RLIM: variants seen among roughly 807,000 people sequenced by gnomAD.
RLIM encodes the protein ring finger protein, LIM domain interacting.
RLIM carries 2 observed loss-of-function variants against 34.0 expected under a neutral mutation model. The ratio of observed to expected loss-of-function variants is 0.06; its 90% CI spans 0.02 to 0.19. RLIM has a LOEUF of 0.19. RLIM is among the 10% of genes least tolerant of loss of function. The probability of loss-of-function intolerance (pLI) is 1.00; values close to 1 mark genes in which losing one functional copy is unlikely to be tolerated. For synonymous variants in RLIM, 169 were observed against 164.0 expected (o/e 1.03, Z -0.23); for missense variants, 286 against 479.7 (o/e 0.60, Z 3.77).
Position 74,591,952 on chromosome X carries a change from AACT to A in RLIM, c.1360_1362del (p.Ser455del). On this transcript the variant is annotated inframe_deletion, in exon 4 of 4. Coordinates refer to ENST00000332687, the MANE Select transcript of RLIM (RefSeq NM_016120.4). ...GAACTGGAACTCGAACTGGAACCAG[AACT>A]ACTACCACCACCAGAACCTCCTCTT... is the stretch of plus-strand genomic sequence containing the variant. The A allele has an allele frequency of 8.3e-7, 1 of 1,211,539 alleles. No homozygotes were observed. The highest frequency in any genetic ancestry group is 1.1e-6 in the Non-Finnish European group (1 of 895,301).
At position 74,609,076 on chromosome X, in the gene RLIM, TA is replaced by T. The variant is rs1217935959; in HGVS notation, c.-24+5345del. On this transcript the variant is annotated intron_variant, in intron 1 of 3. Transcript: ENST00000332687. ...AGTGCATGTGTTTAAGTTACTAAGG[TA>T]AAAATCACTGATAACTGACAATGTT... Among the ~76,000 whole-genome samples the T allele has an allele frequency of 2.7e-5, 3 of 111,522 alleles. No individual in the cohort carries two copies. In the East Asian group the frequency reaches 8.4e-4, roughly 31 times the overall value.
At position 74,592,455 on chromosome X, in the gene RLIM, G is replaced by A. The variant is rs745837643; in HGVS notation, c.860C>T (p.Ala287Val). Reference protein sequence around the residue: ...GPELLSRGLFAASGTRNASQG... With the variant: ...GPELLSRGLFVASGTRNASQG... ...AGAAGCATTTCTTGTTCCAGAAGCTGCAAAAAGACCTCTACTTAGCAACTC... is the reference window on the plus strand; with the variant it reads ...AGAAGCATTTCTTGTTCCAGAAGCTACAAAAAGACCTCTACTTAGCAACTC... Residue 287 changes from alanine to valine, a missense_variant, in exon 4 of 4, where the codon GCA becomes GTA. Around this residue, in one of 6 missense-constraint regions of RLIM, gnomAD observed 121 missense variants for 182.4 expected, o/e 0.66. Coordinates refer to ENST00000332687, the MANE Select transcript of RLIM (RefSeq NM_016120.4). 8.3e-7 allele frequency: 1 copy of A among 1,211,883 alleles called. No homozygotes were observed. Among genetic ancestry groups the A allele is most frequent in the Non-Finnish European group, 1.1e-6 (1 of 895,560 alleles).
At chrX:74,598,200 T>C (rs1468860922) in intron 1 of RLIM, among the ~76,000 whole-genome samples, 1 of 112,173 alleles carries the variant, frequency 8.9e-6, no homozygotes, top group Non-Finnish European at 1.9e-5. Flanking sequence ...AGAACTGTTT[T>C]GCAGACCCCA....
intron 1 of RLIM, among the ~76,000 whole-genome samples, chrX:74,614,139 G>A (rs2079725733): frequency 9.1e-6 from 1 of 110,019 alleles, no homozygotes; most frequent in African/African-American, 3.3e-5. Context: ...GATTTCCTAA[G>A]GCTCCGGAGG....
chrX:74,596,003 GAA>G lies in RLIM; in HGVS notation c.-23-5_-23-4del. 1 of 1,034,734 alleles carries G rather than the reference GAA, an allele frequency of 9.7e-7. No homozygotes were observed. Among genetic ancestry groups the G allele is most frequent in the Non-Finnish European group, 1.3e-6 (1 of 769,465 alleles). 85.3% of individuals were successfully genotyped at this position (1,034,734 alleles called of 1,213,427 possible). A position where few individuals can be genotyped will look rare whatever the true frequency, so the allele number is the denominator to read the frequency against. On this transcript the variant is annotated splice_polypyrimidine_tract_variant and splice_region_variant and intron_variant, in intron 1 of 3. Coordinates refer to ENST00000332687, the MANE Select transcript of RLIM (RefSeq NM_016120.4). ...ATTGATGAACAAGTGGAAAATACCT[GAA>G]AAGAGAAAAGAGACTAATCTTGAAA...
chrX:74,611,843 A>G, intron 1 of RLIM, among the ~76,000 whole-genome samples: 1 of 112,031 alleles, frequency 8.9e-6, no homozygotes, highest in Non-Finnish European at 1.9e-5. Flanking sequence ...TTTCCTCTAT[A>G]AAAGTTAACA....
At position 74,586,572 on chromosome X, in the gene RLIM, G is replaced by GACAGTTCT. The variant is rs766105970; in HGVS notation, c.*4860_*4867dup. On this transcript the variant is annotated 3_prime_UTR_variant, in exon 4 of 4. Transcript: ENST00000332687. Reference sequence around the variant, plus strand: ...ACAAACTGTTCTGTGATTATCACTTGACAGTTCTAACACTGTTATACAGCT... The same window carrying GACAGTTCT: ...ACAAACTGTTCTGTGATTATCACTTGACAGTTCTACAGTTCTAACACTGTTATACAGCT... 68 of 112,473 alleles carry GACAGTTCT rather than the reference G, an allele frequency of 6.0e-4. No homozygotes were observed. The highest frequency in any genetic ancestry group is 2.1e-3 in the African/African-American group (66 of 31,009). 9.3% of individuals were successfully genotyped at this position (112,473 alleles called of 1,213,427 possible).
chrX:74,607,927 C>T (rs1017987378), intron 1 of RLIM, among the ~76,000 whole-genome samples: 1 of 112,402 alleles, frequency 8.9e-6, no homozygotes, highest in South Asian at 3.6e-4. Flanking sequence ...CAAAAAGTAC[C>T]ATCATATCAT....
intron 1 of RLIM, among the ~76,000 whole-genome samples, chrX:74,604,113 C>CAA (rs60040804): frequency 0.062 from 4,867 of 77,944 alleles, 222 homozygotes; most frequent in South Asian, 0.17. Flanking sequence ...GACTCTGTCT[C>CAA]AAAAAAAAAA....
intron 1 of RLIM, among the ~76,000 whole-genome samples, chrX:74,605,696 A>G (rs955193090): frequency 8.0e-5 from 9 of 112,155 alleles, no homozygotes; most frequent in Non-Finnish European, 1.7e-4. Flanking sequence ...TGAAACATAC[A>G]GTAATTTAAA....
At chrX:74,595,776 C>A in intron 2 of RLIM, 33 bp downstream of exon 2, 1 of 1,078,906 alleles carries the variant, frequency 9.3e-7, no homozygotes, top group Non-Finnish European at 1.2e-6. Flanking sequence ...CAGCAACTTA[C>A]ACTTATAAAT....
rs1178944234 is a variant in RLIM at position 74,607,172 on chromosome X, G to GT, written c.-24+7249dup. 1.8e-4 allele frequency among the ~76,000 whole-genome samples: 3 copies of GT among 16,243 alleles called. No homozygotes were observed. The East Asian group carries it at 4.9e-3, about 27-fold the overall frequency. The allele number at this position is 16,243 out of a possible 115,157, so 14.1% of individuals were successfully genotyped here. A position where few individuals can be genotyped will look rare whatever the true frequency, so the allele number is the denominator to read the frequency against. ...AAAGTCATATGGAAGAAATTACCTC[G>GT]TTTTTTAAAAAAAGTGGGGTGGGTG... On this transcript the variant is annotated intron_variant, in intron 1 of 3. Coordinates refer to ENST00000332687, the MANE Select transcript of RLIM (RefSeq NM_016120.4).
At position 74,584,639 on chromosome X, in the gene RLIM, T is replaced by C. The variant is rs1368673153; in HGVS notation, c.*6801A>G. Among the ~76,000 whole-genome samples, 1 of 111,105 alleles carries C rather than the reference T, an allele frequency of 9.0e-6. No homozygotes were observed. The highest frequency in any genetic ancestry group is 1.9e-5 in the Non-Finnish European group (1 of 53,018). ...TAACCCAGGCTGGAGTGCATCAGCA[T>C]GATCATGGCTCACTGCAGCCTTGAC... On this transcript the variant is annotated 3_prime_UTR_variant, in exon 4 of 4. Coordinates refer to ENST00000332687, the MANE Select transcript of RLIM (RefSeq NM_016120.4).
In RLIM at chrX:74,589,302, AC is replaced by A. The variant is rs936744872; in HGVS notation, c.*2137del. On this transcript the variant is annotated 3_prime_UTR_variant, in exon 4 of 4. Coordinates refer to ENST00000332687, the MANE Select transcript of RLIM (RefSeq NM_016120.4). ...ATTGATTTGTTTTTAGCCAATCAAG[AC>A]TACCCTGCAGATCTGAAAACTGTAG... 3.6e-5 allele frequency: 4 copies of A among 111,791 alleles called. No homozygotes were observed. Among genetic ancestry groups the A allele is most frequent in the African/African-American group, 1.3e-4 (4 of 30,780 alleles). 9.2% of individuals were successfully genotyped at this position (111,791 alleles called of 1,213,427 possible).
intron 1 of RLIM, among the ~76,000 whole-genome samples, chrX:74,600,438 C>T (rs2079656593): frequency 9.0e-6 from 1 of 111,166 alleles, no homozygotes. Context: ...AAAAAGTCAG[C>T]CATAATTTCT....
intron 1 of RLIM, among the ~76,000 whole-genome samples, chrX:74,613,927 G>A (rs1310830825): frequency 9.1e-6 from 1 of 110,308 alleles, no homozygotes; most frequent in African/African-American, 3.3e-5. Flanking sequence ...GGCTCAAAAT[G>A]AGGTTTTGGA....
intron 1 of RLIM, among the ~76,000 whole-genome samples, chrX:74,601,550 CT>C (rs1228906615): frequency 8.9e-6 from 1 of 111,920 alleles, no homozygotes; most frequent in Non-Finnish European, 1.9e-5. Flanking sequence ...CTTATTTAAC[CT>C]TATTTGCTTC....
intron 1 of RLIM, among the ~76,000 whole-genome samples, chrX:74,602,680 T>A (rs1419445805): frequency 8.9e-6 from 1 of 111,783 alleles, no homozygotes; most frequent in African/African-American, 3.3e-5. Flanking sequence ...GAGGCTGCTG[T>A]GAGCCAAGAC....
In RLIM at chrX:74,591,094, A is replaced by G; in HGVS notation, c.*346T>C. 1 of 195,985 alleles carries G rather than the reference A, an allele frequency of 5.1e-6. No individual in the cohort carries two copies. The highest frequency in any genetic ancestry group is 9.4e-6 in the Non-Finnish European group (1 of 106,099). The allele number at this position is 195,985 out of a possible 1,213,427, so 16.2% of individuals were successfully genotyped here. A position where few individuals can be genotyped will look rare whatever the true frequency, so the allele number is the denominator to read the frequency against. ...CTTTGCTCCTCTCTTATGGTGTGGG[A>G]AAATTTAAAGATCAACATGAAAAAG... On this transcript the variant is annotated 3_prime_UTR_variant, in exon 4 of 4. Transcript: ENST00000332687.
Sources: gnomAD v4.1 joint callset for allele counts (sites outside exome capture counted in the v4.1 genomes callset) on GRCh38, gnomAD v4.1.1 for gene constraint, gnomAD v4.1.1 regional missense constraint, MANE v1.5 for transcripts, NCBI Gene and HGNC (gene_info 2026-07-23, HGNC 2026-07-21) for gene names.